HOMER1: variants seen among roughly 807,000 people sequenced by gnomAD.
HOMER1 encodes homer scaffold protein 1.
Under a neutral mutation model 48.9 loss-of-function variants are expected in HOMER1, and 3 were observed. The observed-to-expected ratio is 0.06, with a 90% CI of 0.03 to 0.16. The LOEUF is 0.16. Ranked by LOEUF, HOMER1 falls within the 10% of genes least tolerant of loss-of-function variation. The pLI is 1.00. For synonymous variants in HOMER1, 134 were observed against 146.4 expected, an observed-to-expected ratio of 0.92 and a Z score of 0.61; for missense variants, 247 against 411.4, an observed-to-expected ratio of 0.60 and a Z score of 3.46.
At chr5:79,430,021 CAAA>C (rs60012975) in intron 5 of HOMER1, among the ~76,000 whole-genome samples, 2 of 117,028 alleles carry the variant, frequency 1.7e-5, no homozygotes, top group Non-Finnish European at 1.9e-5. Flanking sequence ...AGACTCTTCT[CAAA>C]AAAAAAAAAA....
Position 79,381,885 on chromosome 5 carries a change from CA to C in HOMER1, c.877-5689del, listed in dbSNP as rs142328749. Among the ~76,000 whole-genome samples the C allele has an allele frequency of 5.0e-3, 687 of 137,866 alleles. 7 individuals are homozygous for C. Among genetic ancestry groups the C allele is most frequent in the African/African-American group, 0.015 (574 of 38,144 alleles). The allele number at this position is 137,866 out of a possible 152,430, so 90.4% of individuals were successfully genotyped here. On this transcript the variant is annotated intron_variant, in intron 8 of 8. Coordinates refer to ENST00000334082, the MANE Select transcript of HOMER1 (RefSeq NM_004272.5). Reference sequence around the variant, plus strand: ...GGGCCACAAAGCAAGACTCCATCTCCAAAAAAAAAAAAGTACAAAGAAATCT... The same window carrying C: ...GGGCCACAAAGCAAGACTCCATCTCCAAAAAAAAAAAGTACAAAGAAATCT...
rs1750905600 is a variant in HOMER1 at position 79,447,069 on chromosome 5, G to A, written c.371C>T (p.Thr124Ile). Residue 124 changes from threonine (T) to isoleucine (I), a missense_variant, in exon 4 of 9, where the codon ACC (threonine) becomes ATC (isoleucine). By Grantham distance (89) the Thr-to-Ile change is moderately conservative. Around this residue, in one of 4 missense-constraint regions of HOMER1, gnomAD observed 94 missense variants for 112.4 expected, o/e 0.84. Transcript: ENST00000334082. Reference protein sequence around the residue: ...KEKSQEKMELTSTPSQESAGG... With the variant: ...KEKSQEKMELISTPSQESAGG... The stretch of plus-strand genomic sequence containing the variant: ...TATACCCACCTGTGAAGGTGTACTG[G>A]TAAGTTCCATCTTCTCTTGTGATTT... The A allele has an allele frequency of 6.2e-7, 1 of 1,602,706 alleles. No homozygotes were observed. Among genetic ancestry groups the A allele is most frequent in the South Asian group, 1.1e-5 (1 of 90,894 alleles).
chr5:79,465,585 T>C (rs976417039), intron 1 of HOMER1, among the ~76,000 whole-genome samples: 1 of 40,350 alleles, frequency 2.5e-5, no homozygotes, highest in East Asian at 9.6e-4. Context: ...ACATTTCTTC[T>C]TTTTTTTTTT....
chr5:79,492,070 G>C (rs1752293298), intron 1 of HOMER1, among the ~76,000 whole-genome samples: 1 of 152,090 alleles, frequency 6.6e-6, no homozygotes, highest in Non-Finnish European at 1.5e-5. Flanking sequence ...CCTTTCCCAA[G>C]GTTAAAAAAG....
intron 1 of HOMER1, among the ~76,000 whole-genome samples, chr5:79,482,206 T>A (rs886372774): frequency 2.6e-5 from 4 of 151,772 alleles, no homozygotes; most frequent in African/African-American, 7.3e-5. Flanking sequence ...GCAACAAGAG[T>A]GACACCCTGT....
At chr5:79,505,135 T>A (rs6876803) in intron 1 of HOMER1, among the ~76,000 whole-genome samples, 37,382 of 151,974 alleles carry the variant, frequency 0.25, 5,100 homozygotes, top group African/African-American at 0.36. Flanking sequence ...GTGGTGCACC[T>A]GTAGTCCCAA....
At chr5:79,503,883 G>T (rs1752676644) in intron 1 of HOMER1, among the ~76,000 whole-genome samples, 1 of 152,132 alleles carries the variant, frequency 6.6e-6, no homozygotes, top group Non-Finnish European at 1.5e-5. Context: ...CTGTCTCAGG[G>T]GTGACAGCAG....
At chr5:79,401,333 AGTACTTATTAT>A (rs1204903829) in intron 6 of HOMER1, among the ~76,000 whole-genome samples, 73 of 152,300 alleles carry the variant, frequency 4.8e-4, no homozygotes, top group African/African-American at 1.7e-3. Flanking sequence ...AATTGTACAG[AGTACTTATTAT>A]TCCTATTTTA....
intron 1 of HOMER1, among the ~76,000 whole-genome samples, chr5:79,495,090 A>G (rs1223360898): frequency 6.6e-6 from 1 of 152,224 alleles, no homozygotes; most frequent in Non-Finnish European, 1.5e-5. Context: ...CACAAAGAAT[A>G]CATGTAATTT....
chr5:79,386,405 T>A (rs968513359), intron 8 of HOMER1, among the ~76,000 whole-genome samples: 3 of 152,186 alleles, frequency 2.0e-5, no homozygotes, highest in Non-Finnish European at 4.4e-5. Flanking sequence ...ATGTGGGACC[T>A]GAAGTACTTG....
At chr5:79,502,885 G>A (rs1293969259) in intron 1 of HOMER1, among the ~76,000 whole-genome samples, 1 of 152,152 alleles carries the variant, frequency 6.6e-6, no homozygotes. Flanking sequence ...CCGCCTCCAG[G>A]GTTCACGCCA....
intron 1 of HOMER1, among the ~76,000 whole-genome samples, chr5:79,486,504 G>C (rs571536218): frequency 1.3e-5 from 2 of 152,288 alleles, no homozygotes; most frequent in South Asian, 4.2e-4. Flanking sequence ...CATTGTTGTA[G>C]GTGATTGATA....
At chr5:79,458,184 AAC>A (rs1314640659) in intron 1 of HOMER1, among the ~76,000 whole-genome samples, 1 of 152,184 alleles carries the variant, frequency 6.6e-6, no homozygotes, top group Admixed American at 6.6e-5. Flanking sequence ...TTACAGTATG[AAC>A]AACAGGCATA....
intron 5 of HOMER1, among the ~76,000 whole-genome samples, chr5:79,431,363 C>A (rs1580446825): frequency 3.3e-5 from 5 of 151,528 alleles, no homozygotes; most frequent in African/African-American, 1.2e-4. Context: ...GAGCCAGTCA[C>A]AAAGGCCACA....
At chr5:79,456,791 C>A in intron 2 of HOMER1, 71 bp downstream of exon 2, 2 of 1,315,816 alleles carry the variant, frequency 1.5e-6, no homozygotes, top group Non-Finnish European at 2.1e-6. Context: ...ATAAAATGTT[C>A]TGAATAGAAC....
At chr5:79,477,033 C>CA (rs1406166990) in intron 1 of HOMER1, among the ~76,000 whole-genome samples, 1 of 151,946 alleles carries the variant, frequency 6.6e-6, no homozygotes, top group Non-Finnish European at 1.5e-5. Flanking sequence ...AAAAGAAGGA[C>CA]AAAAAACAGG....
Position 79,396,912 on chromosome 5 carries a change from G to C in HOMER1, c.796-9C>G. 6.6e-7 allele frequency: 1 copy of C among 1,514,088 alleles called. No homozygotes were observed. Among genetic ancestry groups the C allele is most frequent in the Non-Finnish European group, 9.1e-7 (1 of 1,094,102 alleles). The allele number at this position is 1,514,088 out of a possible 1,614,324, so 93.8% of individuals were successfully genotyped here. On this transcript the variant is annotated splice_polypyrimidine_tract_variant and intron_variant, in intron 7 of 8. Transcript: ENST00000334082. ...TTTAACCTTTCTATTTCCTAGAAAAGACAGAGCAATGTCTTAACATTCAAA... is the reference window on the plus strand; with the variant it reads ...TTTAACCTTTCTATTTCCTAGAAAACACAGAGCAATGTCTTAACATTCAAA...
chr5:79,380,933 T>C (rs1229615042), intron 8 of HOMER1, among the ~76,000 whole-genome samples: 2 of 151,908 alleles, frequency 1.3e-5, no homozygotes, highest in Non-Finnish European at 2.9e-5. Flanking sequence ...ACACAGAGGA[T>C]TGTCCCACCA....
At chr5:79,406,461 C>T (rs1749665565) in intron 5 of HOMER1, among the ~76,000 whole-genome samples, 1 of 152,142 alleles carries the variant, frequency 6.6e-6, no homozygotes, top group African/African-American at 2.4e-5. Flanking sequence ...GGAATTTGTA[C>T]CGTCTTGCAG....
Sources: gnomAD v4.1 joint callset for allele counts (sites outside exome capture counted in the v4.1 genomes callset) on GRCh38, gnomAD v4.1.1 for gene constraint, gnomAD v4.1.1 regional missense constraint, MANE v1.5 for transcripts, NCBI Gene and HGNC (gene_info 2026-07-23, HGNC 2026-07-21) for gene names.